The following OR1B1 variants were observed in gnomAD, a reference collection of about 807,000 sequenced individuals.
OR1B1 encodes olfactory receptor family 1 subfamily B member 1.
For synonymous variants in OR1B1, 168 were observed against 156.2 expected (o/e 1.08, Z -0.57); for missense variants, 414 against 402.1 (o/e 1.03, Z -0.25).
upstream of OR1B1, among the ~76,000 whole-genome samples, chr9:122,632,970 C>CA (rs1356301863): frequency 6.6e-6 from 1 of 152,132 alleles, no homozygotes; most frequent in African/African-American, 2.4e-5. Flanking sequence ...AGGCACATCT[C>CA]ACATGGCGGC....
the OR1B1 span, among the ~76,000 whole-genome samples, chr9:122,635,991 T>G: frequency 6.6e-6 from 1 of 152,232 alleles, no homozygotes; most frequent in African/African-American, 2.4e-5. Context: ...TATATCCCTT[T>G]AAACTATTGA....
Position 122,628,790 on chromosome 9 carries a change from G to A in OR1B1, c.746C>T (p.Ser249Phe), listed in dbSNP as rs1165334474. 6.2e-7 allele frequency: 1 copy of A among 1,614,138 alleles called. No homozygotes were observed. The highest frequency in any genetic ancestry group is 1.1e-5 in the South Asian group (1 of 91,084). Residue 249 changes from serine to phenylalanine, a missense_variant, in exon 1 of 1, where the codon TCC becomes TTC. Transcript: ENST00000623530. ...GAGGAAACCAACCATGGTGAGGTGG[G>A]ATCCACAGGTGGAGACTGCTCGGCG...
At chr9:122,635,662 T>C in the OR1B1 span, among the ~76,000 whole-genome samples, 3 of 152,038 alleles carry the variant, frequency 2.0e-5, no homozygotes, top group African/African-American at 7.3e-5. Context: ...AAAAAATAAG[T>C]CCAAGATTAA....
upstream of OR1B1, chr9:122,629,624 T>C: frequency 1.2e-6 from 1 of 805,244 alleles, no homozygotes; most frequent in Non-Finnish European, 2.0e-6. Flanking sequence ...TCTAGTTAAT[T>C]ATATTACGTT....
At chr9:122,651,137 A>G in the OR1B1 span, among the ~76,000 whole-genome samples, 1 of 152,214 alleles carries the variant, frequency 6.6e-6, no homozygotes, top group Admixed American at 6.5e-5. Flanking sequence ...AAATTAAAAC[A>G]TATTTTATAA....
chr9:122,647,213 A>G, the OR1B1 span, among the ~76,000 whole-genome samples: 1 of 152,240 alleles, frequency 6.6e-6, no homozygotes. Flanking sequence ...AAGTCTTAAA[A>G]CACTCAAAAA....
the OR1B1 span, among the ~76,000 whole-genome samples, chr9:122,651,278 G>A: frequency 7.9e-5 from 12 of 152,252 alleles, no homozygotes; most frequent in African/African-American, 2.9e-4. Context: ...AGGGTAATTA[G>A]CATATCCATC....
chr9:122,653,683 A>G, the OR1B1 span, among the ~76,000 whole-genome samples: 6 of 152,124 alleles, frequency 3.9e-5, no homozygotes, highest in Non-Finnish European at 8.8e-5. Flanking sequence ...AGGTTATAAA[A>G]ACAGATTTCT....
At chr9:122,646,507 A>G in the OR1B1 span, among the ~76,000 whole-genome samples, 2 of 151,966 alleles carry the variant, frequency 1.3e-5, no homozygotes, top group African/African-American at 4.8e-5. Context: ...ATGGAAAAAG[A>G]TATTCCATGC....
chr9:122,649,563 AC>A, the OR1B1 span, among the ~76,000 whole-genome samples: 1 of 152,042 alleles, frequency 6.6e-6, no homozygotes, highest in Non-Finnish European at 1.5e-5. Flanking sequence ...CAAGAAAAAA[AC>A]AACCCCATCA....
the OR1B1 span, among the ~76,000 whole-genome samples, chr9:122,652,923 C>T: frequency 6.6e-6 from 1 of 152,124 alleles, no homozygotes; most frequent in East Asian, 1.9e-4. Context: ...TCAAAGCCCC[C>T]TGCTCCAAGC....
the OR1B1 span, among the ~76,000 whole-genome samples, chr9:122,643,187 C>T: frequency 1.3e-5 from 2 of 152,112 alleles, no homozygotes. Context: ...GTTTTAACTC[C>T]ATATCATGGA....
chr9:122,656,482 C>G, the OR1B1 span, among the ~76,000 whole-genome samples: 1 of 151,540 alleles, frequency 6.6e-6, no homozygotes, highest in Admixed American at 6.6e-5. Flanking sequence ...GGAGTGGGTT[C>G]CTGATTAAAA....
chr9:122,650,453 A>G, the OR1B1 span, among the ~76,000 whole-genome samples: 1 of 151,670 alleles, frequency 6.6e-6, no homozygotes, highest in Admixed American at 6.6e-5. Context: ...ATAGTCCCAC[A>G]CACTTATAAG....
the OR1B1 span, among the ~76,000 whole-genome samples, chr9:122,640,871 C>T: frequency 3.9e-5 from 6 of 152,146 alleles, no homozygotes; most frequent in African/African-American, 9.7e-5. Flanking sequence ...TTAATTCATA[C>T]GTCCTACTAA....
chr9:122,631,505 G>A (rs576865978), upstream of OR1B1, among the ~76,000 whole-genome samples: 12 of 152,220 alleles, frequency 7.9e-5, no homozygotes, highest in East Asian at 2.3e-3. Context: ...TCATAACTAA[G>A]CTTTCAAGAA....
chr9:122,650,541 G>A, the OR1B1 span, among the ~76,000 whole-genome samples: 1 of 151,826 alleles, frequency 6.6e-6, no homozygotes, highest in Admixed American at 6.6e-5. Flanking sequence ...AGAGACTCAG[G>A]CTCATGCTGT....
chr9:122,637,200 C>G, the OR1B1 span: 1 of 152,158 alleles, frequency 6.6e-6, no homozygotes, highest in Non-Finnish European at 1.5e-5. Context: ...CTGTCTCTGG[C>G]TATTGCAGTG....
chr9:122,642,957 C>A, the OR1B1 span, among the ~76,000 whole-genome samples: 1 of 151,980 alleles, frequency 6.6e-6, no homozygotes, highest in Admixed American at 6.6e-5. Context: ...GAATATTTTA[C>A]CTGAAGTGTC....
Sources: gnomAD v4.1 joint callset for allele counts (sites outside exome capture counted in the v4.1 genomes callset) on GRCh38, gnomAD v4.1.1 for gene constraint, MANE v1.5 for transcripts, NCBI Gene and HGNC (gene_info 2026-07-23, HGNC 2026-07-21) for gene names.